MANBA: variants seen among roughly 807,000 people sequenced by gnomAD.
The protein encoded by MANBA is mannosidase beta, also known as beta-mannosidase.
In MANBA, 83 loss-of-function variants were observed where a neutral mutation model predicts 111.1. The observed-to-expected ratio is 0.75, with a 90% CI of 0.63 to 0.90. The LOEUF is 0.90. MANBA is among the 40% of genes least tolerant of loss of function. The pLI, the probability that MANBA is intolerant of heterozygous loss-of-function variation, is 0.00. For synonymous variants in MANBA, 370 were observed against 378.7 expected (o/e 0.98, Z 0.27); for missense variants, 1,036 against 1,069.0 (o/e 0.97, Z 0.43).
intron 5 of MANBA, among the ~76,000 whole-genome samples, chr4:102,697,727 T>C (rs1411718973): frequency 2.0e-5 from 3 of 151,048 alleles, no homozygotes; most frequent in South Asian, 2.1e-4. Context: ...ATGGTGTATA[T>C]GTGCCACATT....
intron 13 of MANBA, among the ~76,000 whole-genome samples, chr4:102,648,294 T>C (rs1730187254): frequency 6.6e-6 from 1 of 152,084 alleles, no homozygotes; most frequent in South Asian, 2.1e-4. Context: ...GCATTATTCA[T>C]AATAGCCAAA....
intron 2 of MANBA, 35 bp downstream of exon 2, chr4:102,726,554 A>G: frequency 8.9e-7 from 1 of 1,126,074 alleles, no homozygotes; most frequent in Non-Finnish European, 1.3e-6. Context: ...GAAAAGTTCA[A>G]ATAATAATAA....
intron 5 of MANBA, 81 bp downstream of exon 5, chr4:102,714,357 T>C (rs554235277): frequency 1.1e-5 from 15 of 1,312,302 alleles, no homozygotes; most frequent in Non-Finnish European, 1.4e-5. Flanking sequence ...CTGAAAAACA[T>C]ACCTCTGTAT....
Position 102,760,948 on chromosome 4 carries a change from G to A in MANBA, c.-54C>T. The stretch of plus-strand genomic sequence containing the variant: ...AGAGATCGAAAGGCAGCGCTGCAAG[G>A]GACCGGCGGTGAAGCCACTCACCCC... On this transcript the variant is annotated 5_prime_UTR_variant, in exon 1 of 17. Coordinates refer to ENST00000647097, the MANE Select transcript of MANBA (RefSeq NM_005908.4). 1.3e-6 allele frequency: 2 copies of A among 1,508,812 alleles called. No individual in the cohort carries two copies. The highest frequency in any genetic ancestry group is 1.2e-5 in the South Asian group (1 of 83,480). 93.5% of individuals were successfully genotyped at this position (1,508,812 alleles called of 1,614,324 possible).
At chr4:102,758,632 T>A (rs555514971) in intron 1 of MANBA, among the ~76,000 whole-genome samples, 1 of 150,630 alleles carries the variant, frequency 6.6e-6, no homozygotes, top group South Asian at 2.1e-4. Context: ...AGCCTCAACC[T>A]CCTGGGCTCA....
chr4:102,633,175 TAA>T, intron 16 of MANBA: 1 of 395,094 alleles, frequency 2.5e-6, no homozygotes, highest in Non-Finnish European at 4.4e-6. Flanking sequence ...AAAAGAAGCT[TAA>T]TAAAGCGTAT....
chr4:102,635,750 G>T, intron 15 of MANBA, 115 bp downstream of exon 15: 1 of 1,080,934 alleles, frequency 9.3e-7, no homozygotes, highest in Non-Finnish European at 1.4e-6. Context: ...CTGAATATAT[G>T]TATTCTAACT....
chr4:102,645,020 A>G (rs977477007), intron 13 of MANBA, among the ~76,000 whole-genome samples: 2 of 152,006 alleles, frequency 1.3e-5, no homozygotes, highest in African/African-American at 4.8e-5. Flanking sequence ...TGTCATTACC[A>G]CACTGTCCTG....
chr4:102,736,498 A>C (rs1444479630), intron 1 of MANBA, among the ~76,000 whole-genome samples: 1 of 152,250 alleles, frequency 6.6e-6, no homozygotes, highest in Non-Finnish European at 1.5e-5. Context: ...GTTCTGCTTC[A>C]GACCAATGTC....
At position 102,669,056 on chromosome 4, in the gene MANBA, A is replaced by G. The variant is rs1450979917; in HGVS notation, c.1231-7T>C. The G allele has an allele frequency of 6.2e-7, 1 of 1,601,226 alleles. No homozygotes were observed. The highest frequency in any genetic ancestry group is 8.6e-7 in the Non-Finnish European group (1 of 1,169,012). ...ACATAAAATCCTGCCATACCTAGCA[A>G]ATCAAATAAAAGGGAATGCAACACT... On this transcript the variant is annotated splice_polypyrimidine_tract_variant and splice_region_variant and intron_variant, in intron 9 of 16. Transcript: ENST00000647097.
chr4:102,743,711 T>G (rs1314977702), intron 1 of MANBA, among the ~76,000 whole-genome samples: 6 of 152,126 alleles, frequency 3.9e-5, no homozygotes, highest in Non-Finnish European at 7.4e-5. Flanking sequence ...CAACCTACTT[T>G]ATGGCTAGAT....
At chr4:102,703,966 A>G (rs1314770693) in intron 5 of MANBA, among the ~76,000 whole-genome samples, 6 of 152,098 alleles carry the variant, frequency 3.9e-5, no homozygotes, top group Admixed American at 3.9e-4. Context: ...GTGGTGTCGA[A>G]CACCTGTAGT....
At chr4:102,735,440 G>T (rs191294625) in intron 1 of MANBA, among the ~76,000 whole-genome samples, 4 of 124,602 alleles carry the variant, frequency 3.2e-5, no homozygotes, top group Non-Finnish European at 6.4e-5. Context: ...GAAATGTGGC[G>T]AATAAACTGC....
Position 102,669,958 on chromosome 4 carries a change from T to C in MANBA, c.1231-909A>G, listed in dbSNP as rs1219501299. 2.6e-5 allele frequency among the ~76,000 whole-genome samples: 4 copies of C among 151,016 alleles called. No individual in the cohort carries two copies. The South Asian group carries it at 6.3e-4, about 24-fold the overall frequency. ...TTGTGCCACTGCACTCCAGCCTGGGTGACAGAGCAAGACTCCGTCTCAAAA... is the reference window on the plus strand; with the variant it reads ...TTGTGCCACTGCACTCCAGCCTGGGCGACAGAGCAAGACTCCGTCTCAAAA... On this transcript the variant is annotated intron_variant, in intron 9 of 16. Coordinates refer to ENST00000647097, the MANE Select transcript of MANBA (RefSeq NM_005908.4).
intron 10 of MANBA, chr4:102,665,414 G>A (rs1031829854): frequency 3.2e-5 from 5 of 154,358 alleles, no homozygotes; most frequent in African/African-American, 1.2e-4. Context: ...GGCAGTTAAA[G>A]ACAAATATGG....
At chr4:102,644,822 G>A (rs185633984) in intron 13 of MANBA, among the ~76,000 whole-genome samples, 18 of 152,076 alleles carry the variant, frequency 1.2e-4, no homozygotes, top group Admixed American at 9.8e-4. Context: ...GCTTGAATTA[G>A]CCATTCCATA....
intron 2 of MANBA, among the ~76,000 whole-genome samples, chr4:102,725,414 C>T (rs17033226): frequency 0.021 from 3,235 of 151,912 alleles, 100 homozygotes; most frequent in African/African-American, 0.073. Context: ...TTTAGGTAAT[C>T]GACTCATATG....
chr4:102,754,546 T>C (rs553849981), intron 1 of MANBA, among the ~76,000 whole-genome samples: 8 of 151,980 alleles, frequency 5.3e-5, no homozygotes, highest in Non-Finnish European at 1.2e-4. Context: ...TTGTTATTTA[T>C]TTTATTTTAT....
At chr4:102,647,301 T>C (rs1425698368) in intron 13 of MANBA, among the ~76,000 whole-genome samples, 1 of 148,484 alleles carries the variant, frequency 6.7e-6, no homozygotes, top group Non-Finnish European at 1.5e-5. Flanking sequence ...CGAGGACAAG[T>C]CCAATTCTGA....
Sources: gnomAD v4.1 joint callset for allele counts (sites outside exome capture counted in the v4.1 genomes callset) on GRCh38, gnomAD v4.1.1 for gene constraint, MANE v1.5 for transcripts, NCBI Gene and HGNC (gene_info 2026-07-23, HGNC 2026-07-21) for gene names.